Variants in NTAQ1 observed in about 807,000 individuals in gnomAD.
NTAQ1 encodes the protein N-terminal glutamine amidase 1, also known as protein N-terminal glutamine amidohydrolase.
In NTAQ1, 21 loss-of-function variants were observed where a neutral mutation model predicts 28.2. The ratio of observed to expected loss-of-function variants is 0.74; its 90% CI spans 0.53 to 1.07. The LOEUF is 1.07. Ranked by LOEUF, NTAQ1 falls within the 50% of genes least tolerant of loss-of-function variation. The pLI is 0.00. For synonymous variants in NTAQ1, 105 were observed against 90.0 expected, an observed-to-expected ratio of 1.17 and a Z score of -0.94; for missense variants, 264 against 256.6, an observed-to-expected ratio of 1.03 and a Z score of -0.20.
intron 6 of NTAQ1, among the ~76,000 whole-genome samples, chr8:123,463,358 A>C (rs566894948): frequency 6.6e-6 from 1 of 152,310 alleles, no homozygotes; most frequent in Non-Finnish European, 1.5e-5. Context: ...TCCAAAATAA[A>C]TTTTGTGTTC....
downstream of NTAQ1, among the ~76,000 whole-genome samples, chr8:123,450,675 C>T (rs1815464823): frequency 6.6e-6 from 1 of 152,158 alleles, no homozygotes; most frequent in Non-Finnish European, 1.5e-5. Context: ...AGCCCTTCTT[C>T]AGCATTGACA....
chr8:123,437,384 A>G, intron 5 of NTAQ1, 50 bp downstream of exon 5: 1 of 1,600,404 alleles, frequency 6.2e-7, no homozygotes, highest in Non-Finnish European at 8.5e-7. Flanking sequence ...TCACATACAC[A>G]TCAGCATTTT....
At chr8:123,449,961 ATATATATATATAT>A (rs1202117093), downstream of NTAQ1, among the ~76,000 whole-genome samples, 7 of 51,898 alleles carry the variant, frequency 1.3e-4, 2 homozygotes, top group African/African-American at 2.1e-4. Flanking sequence ...ATATATATAT[ATATATATATATAT>A]GCTGGATAAA....
At chr8:123,467,352 A>C (rs1369044287) in exon 7 of NTAQ1, 1 of 152,112 alleles carries the variant, frequency 6.6e-6, no homozygotes, top group Admixed American at 6.6e-5. Context: ...TTGCTTTTCT[A>C]AATGTTTGTG....
At chr8:123,430,110 A>G (rs888470854) in intron 3 of NTAQ1, 77 bp downstream of exon 3, 107 of 1,128,618 alleles carry the variant, frequency 9.5e-5, no homozygotes, top group Non-Finnish European at 1.4e-4. Flanking sequence ...TTGGTAAAGC[A>G]GAAGTGACCT....
intron 3 of NTAQ1, among the ~76,000 whole-genome samples, chr8:123,434,257 C>G (rs568200098): frequency 6.6e-6 from 1 of 152,086 alleles, no homozygotes; most frequent in African/African-American, 2.4e-5. Flanking sequence ...AGGGTGAGAA[C>G]TTATCTTTTT....
downstream of NTAQ1, among the ~76,000 whole-genome samples, chr8:123,451,352 A>C (rs1372324128): frequency 1.3e-5 from 2 of 151,780 alleles, no homozygotes; most frequent in South Asian, 2.1e-4. Context: ...CCTTTTTTTT[A>C]AATTAAGATG....
At chr8:123,473,132 T>C (rs1247386344), downstream of NTAQ1, among the ~76,000 whole-genome samples, 1 of 152,142 alleles carries the variant, frequency 6.6e-6, no homozygotes, top group Non-Finnish European at 1.5e-5. Context: ...GGTGGTTGCA[T>C]GTATTATTAA....
downstream of NTAQ1, among the ~76,000 whole-genome samples, chr8:123,474,231 C>G (rs1330913261): frequency 6.6e-6 from 1 of 152,120 alleles, no homozygotes; most frequent in Non-Finnish European, 1.5e-5. Context: ...GATCCAGGAT[C>G]CAAACCTTGA....
exon 7 of NTAQ1, chr8:123,467,348 T>C (rs1815982863): frequency 6.6e-6 from 1 of 152,196 alleles, no homozygotes; most frequent in Non-Finnish European, 1.5e-5. Context: ...CAAATTGCTT[T>C]TCTAAATGTT....
intron 1 of NTAQ1, among the ~76,000 whole-genome samples, chr8:123,421,765 T>A (rs1342538984): frequency 2.0e-5 from 3 of 151,518 alleles, no homozygotes; most frequent in African/African-American, 7.3e-5. Context: ...CTTGGCTCAC[T>A]GCAAGCTCCG....
At chr8:123,446,705 C>G (rs1165552131), downstream of NTAQ1, among the ~76,000 whole-genome samples, 4 of 152,298 alleles carry the variant, frequency 2.6e-5, no homozygotes, top group East Asian at 7.7e-4. Context: ...AAGCAGAGAC[C>G]AAGTCCTCAC....
intron 5 of NTAQ1, chr8:123,438,074 A>C: frequency 1.5e-6 from 1 of 671,478 alleles, no homozygotes; most frequent in Non-Finnish European, 2.7e-6. Flanking sequence ...AATCTGCATT[A>C]GAGGGAGGTG....
chr8:123,426,239 A>G (rs1471024646), intron 1 of NTAQ1, among the ~76,000 whole-genome samples: 1 of 152,232 alleles, frequency 6.6e-6, no homozygotes. Context: ...ACTACTGGGC[A>G]TCACTTTACT....
intron 5 of NTAQ1, among the ~76,000 whole-genome samples, chr8:123,439,892 C>T (rs1432376348): frequency 1.3e-5 from 2 of 151,468 alleles, no homozygotes; most frequent in Non-Finnish European, 2.9e-5. Flanking sequence ...AGGTGGAGGT[C>T]GCAATGAGCC....
chr8:123,460,713 G>A (rs1377060631), intron 6 of NTAQ1, among the ~76,000 whole-genome samples: 1 of 152,224 alleles, frequency 6.6e-6, no homozygotes, highest in East Asian at 1.9e-4. Flanking sequence ...GTTTGGGCTG[G>A]CAGAAGGGTC....
chr8:123,425,416 A>G (rs1352295702), intron 1 of NTAQ1, among the ~76,000 whole-genome samples: 2 of 151,574 alleles, frequency 1.3e-5, no homozygotes, highest in South Asian at 4.2e-4. Flanking sequence ...TTATTACTCT[A>G]TAGTACATAT....
chr8:123,437,942 T>C (rs1468378401), intron 5 of NTAQ1, among the ~76,000 whole-genome samples: 1 of 152,174 alleles, frequency 6.6e-6, no homozygotes, highest in African/African-American at 2.4e-5. Flanking sequence ...GATACTCGCA[T>C]GCTTGTGTCA....
chr8:123,462,655 A>G (rs1223139649), intron 6 of NTAQ1, among the ~76,000 whole-genome samples: 1 of 152,168 alleles, frequency 6.6e-6, no homozygotes, highest in Non-Finnish European at 1.5e-5. Context: ...CACTTCACAG[A>G]TTACGAAGCG....
Sources: allele counts gnomAD v4.1 joint callset (sites outside exome capture counted in the v4.1 genomes callset), GRCh38; gene constraint gnomAD v4.1.1; transcripts MANE v1.5; gene names NCBI Gene and HGNC (gene_info 2026-07-23, HGNC 2026-07-21).